Variants in AMTN observed in about 807,000 individuals in gnomAD.
AMTN encodes the protein RSTI689.
AMTN carries 29 observed loss-of-function variants against 27.4 expected under a neutral mutation model. The ratio of observed to expected loss-of-function variants is 1.06; its 90% CI spans 0.79 to 1.44. The LOEUF (loss-of-function observed/expected upper bound fraction) is 1.44, where lower values mean the gene tolerates loss of function less well. Ranked by LOEUF, AMTN falls within the 40% of genes most tolerant of loss-of-function variation. AMTN has a pLI of 0.00. For synonymous variants in AMTN, 86 were observed against 95.7 expected (o/e 0.90, Z 0.59); for missense variants, 247 against 248.8 (o/e 0.99, Z 0.05).
At chr4:70,519,065 T>G (rs1735886729) in intron 2 of AMTN, among the ~76,000 whole-genome samples, 1 of 152,206 alleles carries the variant, frequency 6.6e-6, no homozygotes, top group South Asian at 2.1e-4. Context: ...AAAAGGTCAA[T>G]TATTTTGGCA....
At chr4:70,530,334 C>T (rs1736194242) in intron 7 of AMTN, among the ~76,000 whole-genome samples, 2 of 152,056 alleles carry the variant, frequency 1.3e-5, no homozygotes, top group African/African-American at 4.8e-5. Flanking sequence ...TGACACTCAC[C>T]TTTTTTACTT....
At chr4:70,518,983 A>G (rs2109767197) in intron 2 of AMTN, 152 bp downstream of exon 2, 1 of 706,420 alleles carries the variant, frequency 1.4e-6, no homozygotes, top group Non-Finnish European at 2.5e-6. Context: ...ACAGAAAATG[A>G]CAAGCTAATA....
At chr4:70,519,670 A>T (rs951785778) in intron 2 of AMTN, among the ~76,000 whole-genome samples, 3 of 151,830 alleles carry the variant, frequency 2.0e-5, no homozygotes, top group Non-Finnish European at 4.4e-5. Flanking sequence ...ATAATCCTTC[A>T]TGGTGTTCAC....
At chr4:70,523,359 C>T (rs1174736494) in intron 3 of AMTN, among the ~76,000 whole-genome samples, 1 of 152,174 alleles carries the variant, frequency 6.6e-6, no homozygotes, top group Admixed American at 6.5e-5. Context: ...TATCTTTTGG[C>T]TACTGCCCTC....
chr4:70,521,186 C>T (rs914923379), intron 2 of AMTN, among the ~76,000 whole-genome samples: 3 of 152,062 alleles, frequency 2.0e-5, no homozygotes, highest in Non-Finnish European at 2.9e-5. Flanking sequence ...CAAGACCAGC[C>T]TGACCAATAT....
chr4:70,531,149 A>C lies in AMTN; in HGVS notation c.468A>C (p.Gly156=), dbSNP rs1419943460. Residue 156 remains glycine, a synonymous_variant, in exon 8 of 9, where the codon GGA becomes GGC. Coordinates refer to ENST00000339336, the MANE Select transcript of AMTN (RefSeq NM_212557.4). The stretch of plus-strand genomic sequence containing the variant: ...TCCAGGATGGAAGCCTTCCAGCAGG[A>C]GGAGCAGGTGTAAATCCTGCCACCC... The part of the protein sequence containing the change: ...PDVQDGSLPA[G]GAGVNPATQG... 6.2e-7 allele frequency: 1 copy of C among 1,614,070 alleles called. No individual in the cohort carries two copies. Among genetic ancestry groups the C allele is most frequent in the South Asian group, 1.1e-5 (1 of 91,070 alleles).
intron 6 of AMTN, 109 bp from the exon 7 acceptor site, chr4:70,529,075 A>T (rs1408816592): frequency 4.0e-5 from 42 of 1,063,056 alleles, no homozygotes; most frequent in Non-Finnish European, 5.3e-5. Flanking sequence ...GAAAGGCAAA[A>T]TCTGTATAAT....
rs763143860 is a variant in AMTN at position 70,521,640 on chromosome 4, C to CTTTTTTT, written c.55-1085_55-1079dup. Among the ~76,000 whole-genome samples, 291 of 76,470 alleles carry CTTTTTTT rather than the reference C, an allele frequency of 3.8e-3. 43 individuals are homozygous for CTTTTTTT. The highest frequency in any genetic ancestry group is 6.9e-3 in the East Asian group (13 of 1,886). The allele number at this position is 76,470 out of a possible 152,430, so 50.2% of individuals were successfully genotyped here. On this transcript the variant is annotated intron_variant, in intron 2 of 8. Coordinates refer to ENST00000339336, the MANE Select transcript of AMTN (RefSeq NM_212557.4). ...CCTAGAACAGATAATACCAACCTCT[C>CTTTTTTT]TTTTTTTTTTTTTTTTTTTTTTTTT...
intron 4 of AMTN, among the ~76,000 whole-genome samples, chr4:70,524,662 A>G (rs1165226115): frequency 1.3e-5 from 2 of 149,882 alleles, no homozygotes; most frequent in Non-Finnish European, 3.0e-5. Context: ...ACAGGGGAAA[A>G]GTTAGCAATA....
chr4:70,522,626 C>T (rs1736000933), intron 2 of AMTN, 129 bp from the exon 3 acceptor site: 2 of 889,904 alleles, frequency 2.2e-6, no homozygotes, highest in African/African-American at 3.3e-5. Flanking sequence ...TTCAGGGAAT[C>T]AAACTCCTCT....
chr4:70,525,015 G>A (rs1577933510), intron 5 of AMTN, 54 bp downstream of exon 5: 6 of 1,532,704 alleles, frequency 3.9e-6, no homozygotes, highest in African/African-American at 2.8e-5. Flanking sequence ...TTTCTCTCAG[G>A]TGAAAGCCTA....
At chr4:70,528,047 G>A (rs533070997) in intron 5 of AMTN, among the ~76,000 whole-genome samples, 14 of 152,174 alleles carry the variant, frequency 9.2e-5, no homozygotes, top group Non-Finnish European at 1.6e-4. Context: ...AATACCCATC[G>A]CGTGTTTTAA....
chr4:70,519,963 T>A (rs1437758350), intron 2 of AMTN, among the ~76,000 whole-genome samples: 1 of 151,338 alleles, frequency 6.6e-6, no homozygotes, highest in Non-Finnish European at 1.5e-5. Flanking sequence ...TTGAAAGAAG[T>A]TGTCTGTAAA....
At chr4:70,519,430 G>T (rs920078276) in intron 2 of AMTN, among the ~76,000 whole-genome samples, 1 of 152,028 alleles carries the variant, frequency 6.6e-6, no homozygotes, top group African/African-American at 2.4e-5. Context: ...TGGATCTCTA[G>T]GTGGACTTCT....
At chr4:70,526,706 A>T (rs1054654764) in intron 5 of AMTN, among the ~76,000 whole-genome samples, 2 of 152,152 alleles carry the variant, frequency 1.3e-5, no homozygotes, top group East Asian at 3.8e-4. Context: ...CTGCATCTTC[A>T]TGTTCCCCAG....
chr4:70,522,655 AAGAT>A (rs1490770443), intron 2 of AMTN, 96 bp from the exon 3 acceptor site: 2 of 1,090,258 alleles, frequency 1.8e-6, no homozygotes, highest in East Asian at 2.4e-5. Flanking sequence ...CAAAGCCTAA[AAGAT>A]AGACATGTTT....
Position 70,532,525 on chromosome 4 carries a change from T to A in AMTN, c.*60T>A. The A allele has an allele frequency of 2.7e-6, 4 of 1,461,850 alleles. No homozygotes were observed. The highest frequency in any genetic ancestry group is 3.8e-6 in the Non-Finnish European group (4 of 1,048,254). 90.6% of individuals were successfully genotyped at this position (1,461,850 alleles called of 1,614,324 possible). ...ATTTGGTGATACATGTGAATCTTTA[T>A]CATTGATTATATTATGGAATAGATT... On this transcript the variant is annotated 3_prime_UTR_variant, in exon 9 of 9. Coordinates refer to ENST00000339336, the MANE Select transcript of AMTN (RefSeq NM_212557.4).
chr4:70,519,930 GTGTC>G (rs1231047145), intron 2 of AMTN, among the ~76,000 whole-genome samples: 56 of 149,084 alleles, frequency 3.8e-4, no homozygotes, highest in Admixed American at 6.0e-4. Context: ...GTGTGTGTGT[GTGTC>G]TGTGTGTGTG....
rs1051305293 is a variant in AMTN, at chr4:70,523,987, T to G, written c.204+54T>G. 1.4e-5 allele frequency: 20 copies of G among 1,463,202 alleles called. No homozygotes were observed. The African/African-American group carries it at 2.5e-4, about 18-fold the overall frequency. 90.6% of individuals were successfully genotyped at this position (1,463,202 alleles called of 1,614,324 possible). On this transcript the variant is annotated intron_variant, in intron 4 of 8. Transcript: ENST00000339336. ...CCCATTGTGAAATAAATATAATGCC[T>G]AATATTACAGTGGGGGGAGCATGTA...
Sources: gnomAD v4.1 joint callset for allele counts (sites outside exome capture counted in the v4.1 genomes callset) on GRCh38, gnomAD v4.1.1 for gene constraint, MANE v1.5 for transcripts, NCBI Gene and HGNC (gene_info 2026-07-23, HGNC 2026-07-21) for gene names.